Variants in PTPRT observed in about 807,000 individuals in gnomAD.
PTPRT encodes receptor-type tyrosine-protein phosphatase T.
Under a neutral mutation model 176.8 loss-of-function variants are expected in PTPRT, and 56 were observed. The observed-to-expected ratio is 0.32, with a 90% CI of 0.26 to 0.40. PTPRT has a LOEUF of 0.40. Ranked by LOEUF, PTPRT falls within the 10% of genes least tolerant of loss-of-function variation. PTPRT has a pLI of 1.00. For missense variants in PTPRT, 1,540 were observed against 1,908.2 expected, an observed-to-expected ratio of 0.81 and a Z score of 3.60; for synonymous variants, 783 against 739.0, an observed-to-expected ratio of 1.06 and a Z score of -0.96.
chr20:42,618,177 C>T (rs2074117774), intron 7 of PTPRT, among the ~76,000 whole-genome samples: 1 of 124,266 alleles, frequency 8.0e-6, no homozygotes, highest in Non-Finnish European at 1.6e-5. Flanking sequence ...ATCTTTATTT[C>T]TGCCTTCATT....
rs1007603641 is a variant in PTPRT, at chr20:42,075,449, C to T, written c.*5430G>A. The stretch of plus-strand genomic sequence containing the variant: ...TGTTCATGCTTCCTCTTGGGCTCAC[C>T]CATGTCTTCCAGAGTGTTACTCCTG... On this transcript the variant is annotated 3_prime_UTR_variant, in exon 31 of 31. Coordinates refer to ENST00000373187, the MANE Select transcript of PTPRT (RefSeq NM_007050.6). The T allele has an allele frequency of 1.8e-5, 4 of 225,158 alleles. No individual in the cohort carries two copies. Among genetic ancestry groups the T allele is most frequent in the Non-Finnish European group, 3.5e-5 (4 of 113,006 alleles). 13.9% of individuals were successfully genotyped at this position (225,158 alleles called of 1,614,324 possible).
chr20:42,377,389 A>G (rs1367813788), intron 9 of PTPRT, among the ~76,000 whole-genome samples: 2 of 152,302 alleles, frequency 1.3e-5, no homozygotes, highest in South Asian at 2.1e-4. Context: ...AACACCGGTC[A>G]TTGCCCCTGA....
At chr20:43,083,335 T>TACATATATATATATATAC (rs1568773946) in intron 1 of PTPRT, among the ~76,000 whole-genome samples, 1 of 106,830 alleles carries the variant, frequency 9.4e-6, no homozygotes, top group African/African-American at 3.7e-5. Context: ...TATATATATA[T>TACATATATATATATATAC]ATATATATAT....
At chr20:43,140,598 T>C (rs1307092775) in intron 1 of PTPRT, among the ~76,000 whole-genome samples, 5 of 152,078 alleles carry the variant, frequency 3.3e-5, no homozygotes, top group Non-Finnish European at 5.9e-5. Flanking sequence ...CTTCTAGTTG[T>C]AGAGTATTAG....
intron 13 of PTPRT, among the ~76,000 whole-genome samples, chr20:42,278,073 CTATATATATATATATATATATA>C (rs777694770): frequency 0.025 from 962 of 39,224 alleles, 23 homozygotes; most frequent in Non-Finnish European, 0.03. Flanking sequence ...TGTAAGTAGA[CTATATATATATATATATATATA>C]TATATATATA....
intron 7 of PTPRT, among the ~76,000 whole-genome samples, chr20:42,503,528 T>C (rs2071792159): frequency 6.6e-6 from 1 of 152,124 alleles, no homozygotes; most frequent in Non-Finnish European, 1.5e-5. Flanking sequence ...CTCATTGTGA[T>C]TAGAGAATAT....
intron 29 of PTPRT, among the ~76,000 whole-genome samples, chr20:42,083,728 C>T (rs189915275): frequency 2.6e-4 from 39 of 152,296 alleles, no homozygotes; most frequent in Admixed American, 1.2e-3. Context: ...AAAGAGAAGA[C>T]CTTCGTTCAA....
At chr20:42,081,080 T>C (rs1442327070) in intron 30 of PTPRT, 148 bp from the exon 31 acceptor site, 2 of 621,402 alleles carry the variant, frequency 3.2e-6, no homozygotes, top group Admixed American at 2.7e-5. Context: ...AAATTACCCA[T>C]ATCTGGACAT....
chr20:42,880,846 T>C (rs1219768596), intron 2 of PTPRT, among the ~76,000 whole-genome samples: 1 of 152,138 alleles, frequency 6.6e-6, no homozygotes, highest in African/African-American at 2.4e-5. Flanking sequence ...TGTATTTAGG[T>C]TGACACAAAA....
At chr20:42,449,668 A>T (rs1323100294) in intron 8 of PTPRT, among the ~76,000 whole-genome samples, 5 of 152,206 alleles carry the variant, frequency 3.3e-5, no homozygotes, top group Non-Finnish European at 7.3e-5. Context: ...AGAGGGAACT[A>T]AACACCTGTC....
At chr20:42,308,634 T>A (rs1407019004) in intron 12 of PTPRT, among the ~76,000 whole-genome samples, 1 of 152,210 alleles carries the variant, frequency 6.6e-6, no homozygotes, top group African/African-American at 2.4e-5. Flanking sequence ...CTCTCCCGAT[T>A]TTTTTGAGGC....
chr20:42,563,617 T>C (rs576061827), intron 7 of PTPRT, among the ~76,000 whole-genome samples: 2 of 151,996 alleles, frequency 1.3e-5, no homozygotes, highest in African/African-American at 4.8e-5. Flanking sequence ...AATAGGAAAA[T>C]CATGAAGTAA....
intron 2 of PTPRT, among the ~76,000 whole-genome samples, chr20:42,846,952 A>G (rs1285955128): frequency 3.9e-5 from 6 of 152,220 alleles, no homozygotes; most frequent in Admixed American, 3.9e-4. Context: ...CTTACAAACA[A>G]TGAGACTCTG....
At chr20:42,970,536 G>C (rs1982567937) in intron 1 of PTPRT, among the ~76,000 whole-genome samples, 1 of 152,140 alleles carries the variant, frequency 6.6e-6, no homozygotes, top group Admixed American at 6.5e-5. Flanking sequence ...CTGTGCCTCA[G>C]TTCCCTTATA....
chr20:42,559,383 A>C (rs6030327), intron 7 of PTPRT, among the ~76,000 whole-genome samples: 3,374 of 152,294 alleles, frequency 0.022, 125 homozygotes, highest in South Asian at 0.093. Context: ...TATGTAACTT[A>C]TGCAAAGCAG....
intron 7 of PTPRT, among the ~76,000 whole-genome samples, chr20:42,641,206 A>G (rs150817097): frequency 1.3e-5 from 2 of 152,158 alleles, no homozygotes; most frequent in African/African-American, 4.8e-5. Context: ...TTTAAAGAGC[A>G]TGAGCCATTT....
intron 1 of PTPRT, among the ~76,000 whole-genome samples, chr20:43,036,031 A>T (rs1212166395): frequency 6.6e-6 from 1 of 152,198 alleles, no homozygotes; most frequent in Non-Finnish European, 1.5e-5. Context: ...AGTCTGTCCC[A>T]GCATCAGTGA....
At chr20:42,174,423 C>G in intron 16 of PTPRT, among the ~76,000 whole-genome samples, 1 of 152,092 alleles carries the variant, frequency 6.6e-6, no homozygotes, top group Non-Finnish European at 1.5e-5. Context: ...AAATGGAAAG[C>G]GACTCTGCAT....
intron 25 of PTPRT, among the ~76,000 whole-genome samples, chr20:42,103,959 T>G (rs1367495772): frequency 6.6e-6 from 1 of 152,196 alleles, no homozygotes; most frequent in Non-Finnish European, 1.5e-5. Context: ...ACACTGAAAG[T>G]GCATAGATCA....
Sources: allele counts gnomAD v4.1 joint callset (sites outside exome capture counted in the v4.1 genomes callset), GRCh38; gene constraint gnomAD v4.1.1; transcripts MANE v1.5; gene names NCBI Gene and HGNC (gene_info 2026-07-23, HGNC 2026-07-21).